Variants in PCSK2 observed in about 807,000 individuals in gnomAD.
PCSK2 encodes the protein proprotein convertase subtilisin/kexin type 2, also known as neuroendocrine convertase 2.
PCSK2 carries 14 observed loss-of-function variants against 69.7 expected under a neutral mutation model. That is an observed-to-expected ratio of 0.20 (90% CI 0.13 to 0.31). The LOEUF is 0.31. Ranked by LOEUF, PCSK2 falls within the 10% of genes least tolerant of loss-of-function variation. The pLI is 1.00. For missense variants in PCSK2, 544 were observed against 842.5 expected (o/e 0.65, Z 4.39); for synonymous variants, 307 against 320.7 (o/e 0.96, Z 0.46).
At chr20:17,325,943 A>C (rs988384370) in intron 2 of PCSK2, among the ~76,000 whole-genome samples, 2 of 152,230 alleles carry the variant, frequency 1.3e-5, no homozygotes, top group Non-Finnish European at 2.9e-5. Flanking sequence ...TGTTTTTCTC[A>C]AGCCACCAGG....
At chr20:17,262,036 C>T (rs1036482708) in intron 2 of PCSK2, among the ~76,000 whole-genome samples, 1 of 152,194 alleles carries the variant, frequency 6.6e-6, no homozygotes, top group African/African-American at 2.4e-5. Flanking sequence ...CTATTTAGCA[C>T]CACTGGCCTG....
intron 2 of PCSK2, among the ~76,000 whole-genome samples, chr20:17,307,396 G>A (rs1568595796): frequency 6.6e-6 from 1 of 152,210 alleles, no homozygotes; most frequent in Non-Finnish European, 1.5e-5. Context: ...CCATTCTGAA[G>A]TGAATAACAC....
At chr20:17,346,495 A>C (rs1296868585) in intron 2 of PCSK2, among the ~76,000 whole-genome samples, 1 of 152,160 alleles carries the variant, frequency 6.6e-6, no homozygotes, top group East Asian at 1.9e-4. Flanking sequence ...TGGAAAACAG[A>C]GCCATTCACC....
At chr20:17,374,573 G>A (rs565011670) in intron 5 of PCSK2, among the ~76,000 whole-genome samples, 1 of 152,238 alleles carries the variant, frequency 6.6e-6, no homozygotes, top group East Asian at 1.9e-4. Flanking sequence ...CCTGAGACAA[G>A]GATTTGAAAG....
chr20:17,366,374 A>G (rs2030591224), intron 4 of PCSK2, among the ~76,000 whole-genome samples: 1 of 152,188 alleles, frequency 6.6e-6, no homozygotes, highest in Admixed American at 6.5e-5. Context: ...CACATTTATT[A>G]TGATTGGCTG....
intron 2 of PCSK2, among the ~76,000 whole-genome samples, chr20:17,284,565 A>C (rs949011782): frequency 6.6e-6 from 1 of 152,236 alleles, no homozygotes; most frequent in Admixed American, 6.5e-5. Context: ...AGAATTGGTC[A>C]ACACTTAATT....
intron 5 of PCSK2, among the ~76,000 whole-genome samples, chr20:17,386,197 T>C (rs1234731943): frequency 6.6e-6 from 1 of 152,172 alleles, no homozygotes; most frequent in Non-Finnish European, 1.5e-5. Flanking sequence ...TATGTACTAC[T>C]ATCAATGGGC....
intron 2 of PCSK2, among the ~76,000 whole-genome samples, chr20:17,297,096 C>G (rs1343969895): frequency 4.6e-5 from 7 of 152,080 alleles, no homozygotes; most frequent in African/African-American, 1.7e-4. Flanking sequence ...GACGTTTAAG[C>G]AGAGAAGTTA....
At chr20:17,401,772 A>C (rs994245011) in intron 5 of PCSK2, among the ~76,000 whole-genome samples, 1 of 152,192 alleles carries the variant, frequency 6.6e-6, no homozygotes. Context: ...AGGTACTGCT[A>C]ATAATACTGT....
intron 1 of PCSK2, among the ~76,000 whole-genome samples, chr20:17,249,770 C>G (rs1357739124): frequency 1.3e-5 from 2 of 152,020 alleles, no homozygotes; most frequent in East Asian, 3.9e-4. Flanking sequence ...TATGATTCCA[C>G]TTATATAACC....
At chr20:17,231,455 C>T (rs1353208232) in intron 1 of PCSK2, among the ~76,000 whole-genome samples, 1 of 152,196 alleles carries the variant, frequency 6.6e-6, no homozygotes. Context: ...TTTTCTCACT[C>T]ACTTGCTTTG....
intron 2 of PCSK2, among the ~76,000 whole-genome samples, chr20:17,343,512 C>T (rs1401384319): frequency 6.6e-6 from 1 of 152,240 alleles, no homozygotes; most frequent in Non-Finnish European, 1.5e-5. Flanking sequence ...TTAGCTCTCT[C>T]TCTGCATGCG....
chr20:17,353,846 A>C (rs528585139), intron 2 of PCSK2, among the ~76,000 whole-genome samples: 117 of 152,368 alleles, frequency 7.7e-4, no homozygotes, highest in African/African-American at 2.7e-3. Context: ...TGTCCTTTCC[A>C]GCAACTTGGA....
At chr20:17,304,933 C>A (rs1337492682) in intron 2 of PCSK2, among the ~76,000 whole-genome samples, 1 of 152,164 alleles carries the variant, frequency 6.6e-6, no homozygotes, top group African/African-American at 2.4e-5. Flanking sequence ...CTGACTGAAT[C>A]ATCTGCTACG....
At chr20:17,251,590 G>T (rs570814185) in intron 1 of PCSK2, among the ~76,000 whole-genome samples, 58 of 152,336 alleles carry the variant, frequency 3.8e-4, no homozygotes, top group African/African-American at 1.4e-3. Flanking sequence ...TTGACAGACA[G>T]AACCAATATT....
At chr20:17,347,824 GAAA>G (rs1568612002) in intron 2 of PCSK2, among the ~76,000 whole-genome samples, 16 of 126,690 alleles carry the variant, frequency 1.3e-4, no homozygotes, top group African/African-American at 3.6e-4. Context: ...AAGAAAGAAA[GAAA>G]GAAAGAAAGA....
Position 17,227,219 on chromosome 20 carries a change from A to G in PCSK2, c.-87A>G, listed in dbSNP as rs1985949982. On this transcript the variant is annotated 5_prime_UTR_variant, in exon 1 of 12. Coordinates refer to ENST00000262545, the MANE Select transcript of PCSK2 (RefSeq NM_002594.5). ...AAGATTTTTTTAAAAACTATATATA[A>G]GAATTCTTTATTTGCACCCTCCCTC... 1.1e-6 allele frequency: 1 copy of G among 885,922 alleles called. No homozygotes were observed. The highest frequency in any genetic ancestry group is 1.7e-5 in the African/African-American group (1 of 59,568). 54.9% of individuals were successfully genotyped at this position (885,922 alleles called of 1,614,324 possible).
At chr20:17,267,752 T>G (rs1044386118) in intron 2 of PCSK2, among the ~76,000 whole-genome samples, 3 of 152,150 alleles carry the variant, frequency 2.0e-5, no homozygotes, top group Admixed American at 2.0e-4. Flanking sequence ...GGAGGCATCA[T>G]GCTAGCAAAG....
intron 2 of PCSK2, among the ~76,000 whole-genome samples, chr20:17,262,432 A>G (rs918689932): frequency 6.6e-6 from 1 of 151,418 alleles, no homozygotes; most frequent in African/African-American, 2.4e-5. Context: ...AGGAAAATAA[A>G]TAAAGCACAA....
Sources: allele counts gnomAD v4.1 joint callset (sites outside exome capture counted in the v4.1 genomes callset), GRCh38; gene constraint gnomAD v4.1.1; transcripts MANE v1.5; gene names NCBI Gene and HGNC (gene_info 2026-07-23, HGNC 2026-07-21).